Variants in ZFHX3 observed in about 807,000 individuals in gnomAD.
The protein encoded by ZFHX3 is zinc finger homeobox protein 3.
A neutral mutation model predicts 279.1 loss-of-function variants in ZFHX3; 42 were observed. That is an observed-to-expected ratio of 0.15 (90% CI 0.12 to 0.19). ZFHX3 has a LOEUF of 0.19. ZFHX3 is among the 10% of genes least tolerant of loss of function. The pLI, the probability that ZFHX3 is intolerant of heterozygous loss-of-function variation, is 1.00. For missense variants in ZFHX3, 4,981 were observed against 4,754.0 expected (o/e 1.05, Z -1.40); for synonymous variants, 2,293 against 1,957.8 (o/e 1.17, Z -4.52).
In ZFHX3 at chr16:72,788,746, G is replaced by A. The variant is rs149133285; in HGVS notation, c.9530C>T (p.Ser3177Leu). The change falls in exon 10 of 10, where the codon TCG becomes TTG. Residue 3177 changes from serine (S) to leucine (L), a missense_variant. By Grantham distance (145) the Ser-to-Leu change is moderately radical (BLOSUM62 -2). This residue lies in a region of ZFHX3 where 1,034 missense variants were observed against 786.0 expected (regional missense o/e 1.32). Transcript: ENST00000268489. Reference sequence around the variant, plus strand: ...TTGTGCTGGGGTTGGGGAGCTCAGCGACGCTGAGGACGGTTTATTTGGTAA... The same window carrying A: ...TTGTGCTGGGGTTGGGGAGCTCAGCAACGCTGAGGACGGTTTATTTGGTAA... ...SGLPNKPSSA[S>L]LSSPTPAQAT... The A allele has an allele frequency of 6.4e-3, 10,119 of 1,584,268 alleles. 68 individuals carry two copies. Among genetic ancestry groups the A allele is most frequent in the South Asian group, 0.016 (1,404 of 85,490 alleles).
chr16:72,898,213 T>A (rs1172218112), intron 3 of ZFHX3, among the ~76,000 whole-genome samples: 2 of 152,198 alleles, frequency 1.3e-5, no homozygotes, highest in African/African-American at 4.8e-5. Context: ...TTCTATTTCA[T>A]TGTAGGATCC....
At chr16:72,980,955 T>A (rs1292414340) in intron 1 of ZFHX3, among the ~76,000 whole-genome samples, 2 of 152,206 alleles carry the variant, frequency 1.3e-5, no homozygotes, top group Non-Finnish European at 2.9e-5. Flanking sequence ...TACAGTAATT[T>A]TTTTTTTCCT....
At chr16:72,822,787 G>A (rs1041607687) in intron 5 of ZFHX3, among the ~76,000 whole-genome samples, 2 of 138,898 alleles carry the variant, frequency 1.4e-5, no homozygotes, top group Non-Finnish European at 3.0e-5. Context: ...AACACTTCTA[G>A]AAAGTGAGTT....
chr16:72,864,350 T>A (rs1304662640), intron 4 of ZFHX3, among the ~76,000 whole-genome samples: 1 of 152,114 alleles, frequency 6.6e-6, no homozygotes, highest in Non-Finnish European at 1.5e-5. Flanking sequence ...ATGGGAAGCT[T>A]CATTAAATAC....
chr16:73,306,406 A>G (rs2015181306), intron 4 of ZFHX3, among the ~76,000 whole-genome samples: 1 of 152,128 alleles, frequency 6.6e-6, no homozygotes, highest in South Asian at 2.1e-4. Context: ...TGTAACATCC[A>G]GCTCCCAGGT....
chr16:73,807,620 A>ATTTTTTTTTTTTTTTTTTTTTTTTTT (rs55806545), intron 1 of ZFHX3, among the ~76,000 whole-genome samples: 1 of 70,548 alleles, frequency 1.4e-5, no homozygotes, highest in African/African-American at 5.5e-5. Flanking sequence ...CCATGCCCCA[A>ATTTTTTTTTTTTTTTTTTTTTTTTTT]TTTTTTTTTT....
At chr16:73,718,899 C>A (rs1158963261) in intron 1 of ZFHX3, among the ~76,000 whole-genome samples, 4 of 152,180 alleles carry the variant, frequency 2.6e-5, no homozygotes, top group Non-Finnish European at 5.9e-5. Context: ...CAGGTGTGAG[C>A]CACTGCGCCT....
intron 1 of ZFHX3, among the ~76,000 whole-genome samples, chr16:73,803,782 G>C (rs1960200579): frequency 6.6e-6 from 1 of 152,170 alleles, no homozygotes; most frequent in South Asian, 2.1e-4. Flanking sequence ...TGTAATGTCA[G>C]TTTTATAAAG....
intron 2 of ZFHX3, among the ~76,000 whole-genome samples, chr16:73,593,679 A>T (rs1443176315): frequency 6.6e-6 from 1 of 152,126 alleles, no homozygotes; most frequent in Non-Finnish European, 1.5e-5. Context: ...ATATATAAAG[A>T]CTGTGAGCAT....
rs1967079072 is a variant in ZFHX3, at chr16:73,156,219, G to A, written c.-1103-12388C>T. ...TGCACTCCAGCCTGGGCGACAGAGT[G>A]AGACTCCCTCTCAAAAAAAAAAAAA... On this transcript the variant is annotated intron_variant, in intron 5 of 17. Transcript: ENST00000641206. Among the ~76,000 whole-genome samples, 5 of 125,692 alleles carry A rather than the reference G, an allele frequency of 4.0e-5. No homozygotes were observed. In the South Asian group the frequency reaches 1.5e-3, roughly 37 times the overall value. The allele number at this position is 125,692 out of a possible 152,430, so 82.5% of individuals were successfully genotyped here.
At chr16:73,707,536 A>G (rs1381734558) in intron 1 of ZFHX3, among the ~76,000 whole-genome samples, 1 of 145,728 alleles carries the variant, frequency 6.9e-6, no homozygotes, top group Non-Finnish European at 1.5e-5. Context: ...TGGGAACTGA[A>G]CAATGAGAAC....
At chr16:73,661,723 GA>G (rs112763443) in intron 2 of ZFHX3, among the ~76,000 whole-genome samples, 9,506 of 56,850 alleles carry the variant, frequency 0.17, 282 homozygotes, top group African/African-American at 0.21. Flanking sequence ...CTCCATCTCA[GA>G]AAAAAAAAAA....
intron 7 of ZFHX3, among the ~76,000 whole-genome samples, chr16:73,118,966 G>T (rs541397311): frequency 6.6e-6 from 1 of 152,196 alleles, no homozygotes; most frequent in South Asian, 2.1e-4. Flanking sequence ...AATAACTTGA[G>T]CCAGGCAGTA....
intron 1 of ZFHX3, among the ~76,000 whole-genome samples, chr16:73,697,247 A>C (rs1162391771): frequency 5.3e-5 from 8 of 151,908 alleles, no homozygotes; most frequent in Non-Finnish European, 1.2e-4. Flanking sequence ...ATAGTAAACA[A>C]TCTGGAAAGT....
At chr16:73,878,936 A>G (rs1363678027) in intron 1 of ZFHX3, among the ~76,000 whole-genome samples, 1 of 109,716 alleles carries the variant, frequency 9.1e-6, no homozygotes, top group Non-Finnish European at 1.8e-5. Context: ...TTCAAAAAAG[A>G]TAAGATATAT....
intron 3 of ZFHX3, among the ~76,000 whole-genome samples, chr16:73,435,738 C>A (rs779222427): frequency 1.3e-5 from 2 of 152,226 alleles, no homozygotes; most frequent in Non-Finnish European, 2.9e-5. Flanking sequence ...GAACCAAGGC[C>A]TCCACTCAAG....
chr16:72,859,681 C>T (rs192533670), intron 4 of ZFHX3, among the ~76,000 whole-genome samples: 10 of 152,288 alleles, frequency 6.6e-5, no homozygotes, highest in African/African-American at 1.9e-4. Context: ...GAAAATTCAG[C>T]GCAGAAACGA....
rs985333410 is a variant in ZFHX3 at position 73,143,835 on chromosome 16, A to T, written c.-1103-4T>A. The stretch of plus-strand genomic sequence containing the variant: ...GTTGTAACTTATATCTTCCGAGCTG[A>T]AGAAGAAAAGAAAGGACAAAAACAC... On this transcript the variant is annotated splice_polypyrimidine_tract_variant and splice_region_variant and intron_variant, in intron 5 of 17. Coordinates refer to the ZFHX3 transcript ENST00000641206. The T allele has an allele frequency of 4.7e-6, 6 of 1,274,426 alleles. No homozygotes were observed. The African/African-American group carries it at 9.2e-5, about 20-fold the overall frequency. 78.9% of individuals were successfully genotyped at this position (1,274,426 alleles called of 1,614,324 possible).
chr16:72,799,967 T>C (rs543987512), intron 8 of ZFHX3, 60 bp downstream of exon 8: 3 of 1,489,350 alleles, frequency 2.0e-6, no homozygotes, highest in African/African-American at 1.4e-5. Flanking sequence ...CCTTTCTCCA[T>C]GAACATTTTG....
Sources: allele counts gnomAD v4.1 joint callset (sites outside exome capture counted in the v4.1 genomes callset), GRCh38; gene constraint gnomAD v4.1.1; regional missense constraint gnomAD v4.1.1; transcripts MANE v1.5; gene names NCBI Gene and HGNC (gene_info 2026-07-23, HGNC 2026-07-21).